Variants in DIS3L2 observed in about 807,000 individuals in gnomAD.
The protein encoded by DIS3L2 is DIS3 like 3'-5' exoribonuclease 2.
A neutral mutation model predicts 97.5 loss-of-function variants in DIS3L2; 34 were observed. The ratio of observed to expected loss-of-function variants is 0.35; its 90% CI spans 0.27 to 0.46. The LOEUF (loss-of-function observed/expected upper bound fraction) is 0.46. Ranked by LOEUF, DIS3L2 falls within the 20% of genes least tolerant of loss-of-function variation. DIS3L2 has a pLI of 1.00. For synonymous variants in DIS3L2, 435 were observed against 445.2 expected (o/e 0.98, Z 0.29); for missense variants, 1,038 against 1,146.0 (o/e 0.91, Z 1.36).
At chr2:232,306,918 A>G (rs966620121) in intron 14 of DIS3L2, among the ~76,000 whole-genome samples, 7 of 152,200 alleles carry the variant, frequency 4.6e-5, no homozygotes. Flanking sequence ...CCCTGTTGTC[A>G]TGCCATTTTC....
At chr2:232,089,066 C>T (rs530728484) in intron 6 of DIS3L2, among the ~76,000 whole-genome samples, 1 of 152,146 alleles carries the variant, frequency 6.6e-6, no homozygotes, top group African/African-American at 2.4e-5. Flanking sequence ...GCATATGTCC[C>T]CCCAGCGTAA....
intron 9 of DIS3L2, among the ~76,000 whole-genome samples, chr2:232,192,116 T>C (rs1691632556): frequency 6.6e-6 from 1 of 152,212 alleles, no homozygotes; most frequent in African/African-American, 2.4e-5. Context: ...AACAAATGTG[T>C]ACAGAAGTTT....
At chr2:232,272,262 C>T (rs1694026008) in intron 13 of DIS3L2, among the ~76,000 whole-genome samples, 1 of 152,188 alleles carries the variant, frequency 6.6e-6, no homozygotes. Flanking sequence ...CTGTGTGTTA[C>T]AAATACTGCT....
chr2:232,109,096 C>T (rs1316095494), intron 6 of DIS3L2, among the ~76,000 whole-genome samples: 2 of 152,046 alleles, frequency 1.3e-5, no homozygotes. Flanking sequence ...CCTGAATAGC[C>T]AAGGCGATCC....
At chr2:232,085,143 C>G (rs1222065811) in intron 5 of DIS3L2, among the ~76,000 whole-genome samples, 1 of 152,212 alleles carries the variant, frequency 6.6e-6, no homozygotes, top group African/African-American at 2.4e-5. Context: ...TCATTCAGGT[C>G]TCTGCTCAAA....
intron 1 of DIS3L2, among the ~76,000 whole-genome samples, chr2:231,967,247 A>T (rs1031532395): frequency 6.6e-6 from 1 of 152,212 alleles, no homozygotes; most frequent in Non-Finnish European, 1.5e-5. Context: ...AAACCGGATG[A>T]GGCAGGAAGT....
chr2:232,284,305 G>A (rs1694371027), intron 13 of DIS3L2, among the ~76,000 whole-genome samples: 1 of 152,150 alleles, frequency 6.6e-6, no homozygotes, highest in Non-Finnish European at 1.5e-5. Flanking sequence ...TCAAGTATCA[G>A]GGCTGCAGTT....
chr2:232,230,976 A>G (rs752979307), intron 10 of DIS3L2, among the ~76,000 whole-genome samples: 10 of 152,298 alleles, frequency 6.6e-5, no homozygotes, highest in African/African-American at 2.4e-4. Flanking sequence ...ATCACGTGAC[A>G]TGGTCTTTTT....
At chr2:232,302,814 C>G (rs568500344) in intron 14 of DIS3L2, among the ~76,000 whole-genome samples, 1 of 152,080 alleles carries the variant, frequency 6.6e-6, no homozygotes, top group Admixed American at 6.5e-5. Flanking sequence ...CCTGCCTTGG[C>G]CCCCCAAAGT....
At position 232,030,080 on chromosome 2, in the gene DIS3L2, G is replaced by A. The variant is rs1261091948; in HGVS notation, c.366G>A (p.Lys122=). 6.2e-7 allele frequency: 1 copy of A among 1,609,590 alleles called. No individual in the cohort carries two copies. The highest frequency in any genetic ancestry group is 1.3e-5 in the African/African-American group (1 of 74,660). The change falls in exon 5 of 21, where the codon AAG becomes AAA. Residue 122 remains lysine (K), a splice_region_variant and synonymous_variant. Coordinates refer to ENST00000325385, the MANE Select transcript of DIS3L2 (RefSeq NM_152383.5). ...VVKLLPEEHW[K]VVKPESNDKE... The stretch of plus-strand genomic sequence containing the variant: ...AACTGCTTCCCGAGGAGCATTGGAA[G>A]GTGAGTTAAGTTTTCCCTTTCTAAT...
chr2:232,086,221 G>A (rs760400452), intron 5 of DIS3L2, among the ~76,000 whole-genome samples: 18 of 151,360 alleles, frequency 1.2e-4, no homozygotes, highest in South Asian at 6.2e-4. Flanking sequence ...ATATACACAC[G>A]TATAGACGTG....
chr2:232,263,369 T>C lies in DIS3L2; in HGVS notation c.1588T>C (p.Leu530=). Residue 530 remains leucine, a synonymous_variant, in exon 13 of 21, where the codon TTG becomes CTG. Transcript: ENST00000325385. Reference sequence around the variant, plus strand: ...CAGCGAGGAGGTACACCAGGCCGTCTTGAATCTCCACGGAATTGCCAAGCA... The same window carrying C: ...CAGCGAGGAGGTACACCAGGCCGTCCTGAATCTCCACGGAATTGCCAAGCA... The part of the protein sequence containing the change: ...HSSEEVHQAV[L]NLHGIAKQLR... 1.9e-6 allele frequency: 3 copies of C among 1,614,216 alleles called. No homozygotes were observed. Among genetic ancestry groups the C allele is most frequent in the Middle Eastern group, 1.6e-4 (1 of 6,062 alleles).
chr2:232,306,849 C>T (rs1355767652), intron 14 of DIS3L2, among the ~76,000 whole-genome samples: 1 of 152,240 alleles, frequency 6.6e-6, no homozygotes, highest in Non-Finnish European at 1.5e-5. Context: ...TGTCTTCCTG[C>T]CCTGGCACCC....
chr2:232,057,460 AAGAG>A (rs1291042111), intron 5 of DIS3L2, among the ~76,000 whole-genome samples: 1 of 152,170 alleles, frequency 6.6e-6, no homozygotes, highest in Non-Finnish European at 1.5e-5. Flanking sequence ...AGTTAACCGT[AAGAG>A]AGATTATCTT....
At chr2:232,164,347 G>T (rs1441114753) in intron 9 of DIS3L2, among the ~76,000 whole-genome samples, 2 of 152,142 alleles carry the variant, frequency 1.3e-5, no homozygotes, top group Non-Finnish European at 2.9e-5. Context: ...TTCATTGTGG[G>T]ATGTTAGTTC....
rs770337020 is a variant in DIS3L2 at position 232,263,350 on chromosome 2, G to A, written c.1569G>A (p.Glu523=). 1 of 1,614,206 alleles carries A rather than the reference G, an allele frequency of 6.2e-7. No individual in the cohort carries two copies. The highest frequency in any genetic ancestry group is 8.5e-7 in the Non-Finnish European group (1 of 1,180,048). Residue 523 remains glutamate (E), a synonymous_variant, in exon 13 of 21, where the codon GAG becomes GAA. Coordinates refer to ENST00000325385, the MANE Select transcript of DIS3L2 (RefSeq NM_152383.5). ...LPPISPEHSS[E]EVHQAVLNLH... is the part of the protein sequence containing the mutation. The stretch of plus-strand genomic sequence containing the variant: ...CCATTTCCCCAGAGCATAGCAGCGA[G>A]GAGGTACACCAGGCCGTCTTGAATC...
At chr2:232,191,995 T>G (rs1398000535) in intron 9 of DIS3L2, among the ~76,000 whole-genome samples, 1 of 152,150 alleles carries the variant, frequency 6.6e-6, no homozygotes, top group Non-Finnish European at 1.5e-5. Flanking sequence ...TCTCCTGTCT[T>G]CTCTACCCTA....
At chr2:232,262,503 T>C (rs1425997818) in intron 12 of DIS3L2, among the ~76,000 whole-genome samples, 2 of 152,216 alleles carry the variant, frequency 1.3e-5, no homozygotes, top group East Asian at 1.9e-4. Context: ...AGAAGACATT[T>C]GGCCATGTCT....
chr2:232,177,348 G>A (rs1691198321), intron 9 of DIS3L2, among the ~76,000 whole-genome samples: 1 of 140,536 alleles, frequency 7.1e-6, no homozygotes, highest in Non-Finnish European at 1.6e-5. Flanking sequence ...GGGTCAAATG[G>A]TATTTCTAGT....
Sources: gnomAD v4.1 joint callset for allele counts (sites outside exome capture counted in the v4.1 genomes callset) on GRCh38, gnomAD v4.1.1 for gene constraint, MANE v1.5 for transcripts, NCBI Gene and HGNC (gene_info 2026-07-23, HGNC 2026-07-21) for gene names.